Variants in ANKH observed in about 807,000 individuals in gnomAD.
ANKH encodes the protein mineralization regulator ANKH.
A neutral mutation model predicts 49.0 loss-of-function variants in ANKH; 15 were observed. The observed-to-expected ratio is 0.31, with a 90% CI of 0.20 to 0.47. ANKH has a LOEUF of 0.47. Ranked by LOEUF, ANKH falls within the 20% of genes least tolerant of loss-of-function variation. The probability of loss-of-function intolerance (pLI) is 1.00; values close to 1 mark genes in which losing one functional copy is unlikely to be tolerated. For synonymous variants in ANKH, 273 were observed against 260.0 expected (o/e 1.05, Z -0.48); for missense variants, 429 against 652.0 (o/e 0.66, Z 3.72).
rs560437689 is a variant in ANKH, at chr5:14,856,860, C to T, written c.96+14492G>A. Among the ~76,000 whole-genome samples, 11 of 152,246 alleles carry T rather than the reference C, an allele frequency of 7.2e-5. No individual in the cohort carries two copies. The East Asian group carries it at 1.5e-3, about 21-fold the overall frequency. ...CAGAAGCTATTCACCTATTCATCTT[C>T]GAAGTGGGGAAGGTGACTCTCCACA... On this transcript the variant is annotated intron_variant, in intron 1 of 11. Coordinates refer to ENST00000284268, the MANE Select transcript of ANKH (RefSeq NM_054027.6).
intron 1 of ANKH, among the ~76,000 whole-genome samples, chr5:14,779,215 T>A (rs1739731019): frequency 1.3e-5 from 2 of 152,192 alleles, no homozygotes; most frequent in East Asian, 1.9e-4. Context: ...TCTACCTTTA[T>A]GTTCCTCTGA....
chr5:14,857,683 T>C (rs1735322141), intron 1 of ANKH, among the ~76,000 whole-genome samples: 1 of 152,100 alleles, frequency 6.6e-6, no homozygotes, highest in Non-Finnish European at 1.5e-5. Context: ...AAAAACTTAA[T>C]AGATCTCTCA....
intron 1 of ANKH, among the ~76,000 whole-genome samples, chr5:14,831,585 A>G (rs1486482376): frequency 6.6e-6 from 1 of 152,128 alleles, no homozygotes; most frequent in African/African-American, 2.4e-5. Context: ...AAAGGGATCC[A>G]TGGTCAAATG....
rs1317464382 is a variant in ANKH at position 14,717,812 on chromosome 5, T to C, written c.1012-977A>G. Among the ~76,000 whole-genome samples, 9 of 152,338 alleles carry C rather than the reference T, an allele frequency of 5.9e-5. No individual in the cohort carries two copies. In the East Asian group the frequency reaches 1.7e-3, roughly 29 times the overall value. ...TTGCATTATACTTACAGGTTACACA[T>C]CCCTAATCCCAAAATACAAAGTCCA... On this transcript the variant is annotated intron_variant, in intron 8 of 11. Transcript: ENST00000284268.
chr5:14,825,112 AG>A (rs1741303107), intron 1 of ANKH, among the ~76,000 whole-genome samples: 1 of 151,832 alleles, frequency 6.6e-6, no homozygotes, highest in Admixed American at 6.6e-5. Flanking sequence ...ATTGAGGAAT[AG>A]GTGCTTTCCT....
chr5:14,859,548 A>G (rs1735415785), intron 1 of ANKH, among the ~76,000 whole-genome samples: 2 of 152,232 alleles, frequency 1.3e-5, no homozygotes, highest in African/African-American at 2.4e-5. Context: ...AATACTCAAT[A>G]TTAGGCTATA....
intron 1 of ANKH, among the ~76,000 whole-genome samples, chr5:14,846,821 G>A (rs867922997): frequency 1.5e-4 from 23 of 151,762 alleles, no homozygotes; most frequent in Middle Eastern, 3.4e-3. Flanking sequence ...GTAAAACTGC[G>A]TCTCTACTAA....
At position 14,713,508 on chromosome 5, in the gene ANKH, G is replaced by GAAGGACCCAC; in HGVS notation, c.1265+26_1265+35dup. On this transcript the variant is annotated intron_variant, in intron 10 of 11. Transcript: ENST00000284268. The surrounding 1 kb of genome is among the most constrained non-coding windows in gnomAD (Gnocchi z 4.4). Reference sequence around the variant, plus strand: ...CTCTGGACACAGTATTGAAGTGGCAGAAGGACCCACAGCCCCAAACTCCCT... The same window carrying GAAGGACCCAC: ...CTCTGGACACAGTATTGAAGTGGCAGAAGGACCCACAAGGACCCACAGCCCCAAACTCCCT... 1 of 1,613,210 alleles carries GAAGGACCCAC rather than the reference G, an allele frequency of 6.2e-7. No homozygotes were observed.
Position 14,827,311 on chromosome 5 carries a change from A to C in ANKH, c.96+44041T>G, listed in dbSNP as rs1484173968. On this transcript the variant is annotated intron_variant, in intron 1 of 11. Coordinates refer to ENST00000284268, the MANE Select transcript of ANKH (RefSeq NM_054027.6). ...GCCAGGTATTTCTTACAGCTGAGGA[A>C]GGTAAAACAAACATTTTAAGTGATC... is the stretch of plus-strand genomic sequence containing the variant. 4.6e-5 allele frequency among the ~76,000 whole-genome samples: 7 copies of C among 152,354 alleles called. No homozygotes were observed. The South Asian group carries it at 1.2e-3, about 27-fold the overall frequency.
chr5:14,861,007 T>G (rs1438111422), intron 1 of ANKH, among the ~76,000 whole-genome samples: 4 of 152,126 alleles, frequency 2.6e-5, no homozygotes, highest in African/African-American at 9.7e-5. Context: ...GGCCTTGAAC[T>G]CCTGAGCTCA....
chr5:14,744,565 G>A (rs911794794), intron 7 of ANKH, among the ~76,000 whole-genome samples: 6 of 76,528 alleles, frequency 7.8e-5, no homozygotes, highest in African/African-American at 1.9e-4. Context: ...GGAGGTGGAC[G>A]TGTGTGTGTT....
intron 8 of ANKH, among the ~76,000 whole-genome samples, chr5:14,733,268 A>T (rs1738062018): frequency 6.6e-6 from 1 of 152,230 alleles, no homozygotes; most frequent in Non-Finnish European, 1.5e-5. Context: ...AGATACAAAA[A>T]GACCCCAGAA....
chr5:14,795,964 C>T (rs1007236908), intron 1 of ANKH, among the ~76,000 whole-genome samples: 4 of 152,052 alleles, frequency 2.6e-5, no homozygotes, highest in African/African-American at 9.7e-5. Flanking sequence ...CAATGTGACA[C>T]CTTATTAGTG....
At chr5:14,740,848 G>A (rs1462294489) in intron 8 of ANKH, among the ~76,000 whole-genome samples, 1 of 152,160 alleles carries the variant, frequency 6.6e-6, no homozygotes, top group Non-Finnish European at 1.5e-5. Context: ...ACGGCCTCCG[G>A]TCCTCTTTAT....
chr5:14,823,637 C>T (rs1330499929), intron 1 of ANKH, among the ~76,000 whole-genome samples: 1 of 152,188 alleles, frequency 6.6e-6, no homozygotes, highest in Non-Finnish European at 1.5e-5. Context: ...ACATTTAAAT[C>T]TTTCTTTGGC....
At position 14,745,978 on chromosome 5, in the gene ANKH, G is replaced by A. The variant is rs2126474554; in HGVS notation, c.823-16C>T. Reference sequence around the variant, plus strand: ...TCGCCACTGCCTGCAACAGGAAGAGGTGGCAGAGTTAGCAGGGTACCAGCA... The same window carrying A: ...TCGCCACTGCCTGCAACAGGAAGAGATGGCAGAGTTAGCAGGGTACCAGCA... On this transcript the variant is annotated splice_polypyrimidine_tract_variant and intron_variant, in intron 6 of 11. Transcript: ENST00000284268. This position sits in a 1 kb window ranked among gnomAD's most constrained non-coding sequence, Gnocchi z 4.7. The A allele has an allele frequency of 6.2e-7, 1 of 1,609,992 alleles. No individual in the cohort carries two copies. The highest frequency in any genetic ancestry group is 8.5e-7 in the Non-Finnish European group (1 of 1,176,496).
At chr5:14,754,124 T>C (rs999964294) in intron 4 of ANKH, among the ~76,000 whole-genome samples, 2 of 152,212 alleles carry the variant, frequency 1.3e-5, no homozygotes, top group African/African-American at 4.8e-5. Flanking sequence ...TGAAGCCAGA[T>C]GGCATCTGAA....
Position 14,710,813 on chromosome 5 carries a change from T to G in ANKH, c.*384A>C. ...AGAGCGATGAAGGGGGACAGGAGAG[T>G]CTGTGGCCTGCTGTGCAGGGTGACC... On this transcript the variant is annotated 3_prime_UTR_variant, in exon 12 of 12. Transcript: ENST00000284268. 3.4e-6 allele frequency: 1 copy of G among 291,224 alleles called. No individual in the cohort carries two copies. The highest frequency in any genetic ancestry group is 3.3e-5 in the South Asian group (1 of 29,956). 18.0% of individuals were successfully genotyped at this position (291,224 alleles called of 1,614,324 possible).
intron 1 of ANKH, among the ~76,000 whole-genome samples, chr5:14,809,383 A>G (rs1031744526): frequency 1.3e-5 from 2 of 149,708 alleles, no homozygotes; most frequent in African/African-American, 4.9e-5. Context: ...GGAAATAAGG[A>G]AAAAAAAATA....
Sources: allele counts gnomAD v4.1 joint callset (sites outside exome capture counted in the v4.1 genomes callset), GRCh38; gene constraint gnomAD v4.1.1; non-coding constraint Gnocchi (gnomAD v3.1); transcripts MANE v1.5; gene names NCBI Gene and HGNC (gene_info 2026-07-23, HGNC 2026-07-21).